Variants in TSPAN16 observed in about 807,000 individuals in gnomAD.
TSPAN16 encodes the protein tetraspanin-16.
In TSPAN16, 23 loss-of-function variants were observed where a neutral mutation model predicts 25.2. The ratio of observed to expected loss-of-function variants is 0.91; its 90% CI spans 0.66 to 1.29. The LOEUF is 1.29. Among genes scored for constraint, TSPAN16 ranks in the 50% most tolerant of loss-of-function variants. The pLI, the probability that TSPAN16 is intolerant of heterozygous loss-of-function variation, is 0.00. For synonymous variants in TSPAN16, 123 were observed against 124.4 expected (o/e 0.99, Z 0.08); for missense variants, 272 against 299.9 (o/e 0.91, Z 0.69).
chr19:11,302,658 T>C (rs1259278491), intron 4 of TSPAN16, among the ~76,000 whole-genome samples: 99 of 103,154 alleles, frequency 9.6e-4, no homozygotes, highest in East Asian at 4.6e-3. Context: ...TATATACACA[T>C]ACATATATAT....
Position 11,298,275 on chromosome 19 carries a change from C to T in TSPAN16, c.203C>T (p.Thr68Met), listed in dbSNP as rs137979204. The T allele has an allele frequency of 3.2e-4, 512 of 1,614,104 alleles. No individual in the cohort carries two copies. Among genetic ancestry groups the T allele is most frequent in the Non-Finnish European group, 4.0e-4 (475 of 1,180,020 alleles). ...GNLCLVMGCITVLLGCAGWYG... is the reference protein window; with the variant it reads ...GNLCLVMGCIMVLLGCAGWYG... ...CTGTGCCTGGTGATGGGATGCATCA[C>T]GGTACTGCTTGGCTGTGCCGGGTGG... The change falls in exon 2 of 7, where the codon ACG becomes ATG. Residue 68 changes from threonine to methionine, a missense_variant. Coordinates refer to ENST00000590327, the MANE Select transcript of TSPAN16 (RefSeq NM_001282509.2).
chr19:11,306,747 C>T lies in TSPAN16; in HGVS notation c.594C>T (p.Ile198=), dbSNP rs2080632032. 6.2e-7 allele frequency: 1 copy of T among 1,613,820 alleles called. No individual in the cohort carries two copies. Among genetic ancestry groups the T allele is most frequent in the Non-Finnish European group, 8.5e-7 (1 of 1,179,804 alleles). The stretch of plus-strand genomic sequence containing the variant: ...GACGCGATGTGTCTCCAAACGTCAT[C>T]CACCAGAAGGTAACTGGAGATTTTG... ...CDGRDVSPNV[I]HQKGCFHKLL... Residue 198 remains isoleucine, a synonymous_variant, in exon 5 of 7, where the codon ATC becomes ATT. Coordinates refer to ENST00000590327, the MANE Select transcript of TSPAN16 (RefSeq NM_001282509.2).
At chr19:11,303,618 T>G (rs1211350035) in intron 4 of TSPAN16, among the ~76,000 whole-genome samples, 1 of 146,398 alleles carries the variant, frequency 6.8e-6, no homozygotes, top group Non-Finnish European at 1.5e-5. Flanking sequence ...CAAGCGATCC[T>G]CCTAACTCAG....
At chr19:11,315,051 C>T (rs560439035) in intron 6 of TSPAN16, among the ~76,000 whole-genome samples, 3 of 151,208 alleles carry the variant, frequency 2.0e-5, no homozygotes, top group Non-Finnish European at 4.4e-5. Context: ...GCCTGACCAA[C>T]ATGGTGAAAC....
intron 6 of TSPAN16, among the ~76,000 whole-genome samples, chr19:11,315,235 CAATAATAATAATAAT>C (rs58115943): frequency 0.03 from 3,722 of 124,722 alleles, 208 homozygotes; most frequent in African/African-American, 0.11. Flanking sequence ...GACTCCTTCT[CAATAATAATAATAAT>C]AATAATAATA....
Position 11,298,213 on chromosome 19 carries a change from C to A in TSPAN16, c.141C>A (p.Leu47=). ...GAGGGGCCTCTCTGACGAATGTCCTCGGGCTGTCCTCCGCATACCTCCTTC... is the reference window on the plus strand; with the variant it reads ...GAGGGGCCTCTCTGACGAATGTCCTAGGGCTGTCCTCCGCATACCTCCTTC... ...KCGGASLTNV[L]GLSSAYLLHV... Residue 47 remains leucine, a synonymous_variant, in exon 2 of 7, where the codon CTC becomes CTA. Coordinates refer to ENST00000590327, the MANE Select transcript of TSPAN16 (RefSeq NM_001282509.2). 6.2e-7 allele frequency: 1 copy of A among 1,614,146 alleles called. No homozygotes were observed. The highest frequency in any genetic ancestry group is 1.1e-5 in the South Asian group (1 of 91,084).
At position 11,306,590 on chromosome 19, in the gene TSPAN16, TCTC is replaced by T. The variant is rs753098558; in HGVS notation, c.451-10_451-8del. On this transcript the variant is annotated splice_polypyrimidine_tract_variant and intron_variant, in intron 4 of 6. Transcript: ENST00000590327. ...TGAAAGGGACTCTCCAAGTATTTCT[TCTC>T]CTCTCTATAGCTAAAGTGCTGTGGG... is the stretch of plus-strand genomic sequence containing the variant. 39 of 1,612,626 alleles carry T rather than the reference TCTC, an allele frequency of 2.4e-5. No individual in the cohort carries two copies. The highest frequency in any genetic ancestry group is 6.7e-5 in the African/African-American group (5 of 74,898).
At chr19:11,315,235 CAAT>C (rs58115943) in intron 6 of TSPAN16, among the ~76,000 whole-genome samples, 11,215 of 124,592 alleles carry the variant, frequency 0.09, 494 homozygotes, top group Non-Finnish European at 0.1. Flanking sequence ...GACTCCTTCT[CAAT>C]AATAATAATA....
intron 4 of TSPAN16, among the ~76,000 whole-genome samples, chr19:11,306,206 C>T (rs1185964087): frequency 2.0e-5 from 3 of 151,752 alleles, no homozygotes; most frequent in Non-Finnish European, 4.4e-5. Flanking sequence ...GCTTTTTTTT[C>T]TTTTTAGAGA....
intron 6 of TSPAN16, chr19:11,322,726 T>C (rs531392073): frequency 6.6e-6 from 1 of 152,340 alleles, no homozygotes; most frequent in Admixed American, 6.5e-5. Flanking sequence ...GGCAGCTCTC[T>C]CGGCTGCTAC....
chr19:11,302,416 C>A (rs970069164), intron 4 of TSPAN16, among the ~76,000 whole-genome samples: 46 of 149,366 alleles, frequency 3.1e-4, no homozygotes, highest in Admixed American at 2.7e-3. Context: ...GTAATCCCAG[C>A]TACTCGGGAG....
chr19:11,326,550 C>T (rs544864637), intron 6 of TSPAN16, among the ~76,000 whole-genome samples: 1 of 152,208 alleles, frequency 6.6e-6, no homozygotes, highest in African/African-American at 2.4e-5. Flanking sequence ...CAGCTTCCAC[C>T]CAATTTCTGC....
At chr19:11,322,331 C>T (rs1236366859) in intron 6 of TSPAN16, 1 of 151,622 alleles carries the variant, frequency 6.6e-6, no homozygotes, top group Admixed American at 6.6e-5. Context: ...GGAGGAGTCC[C>T]CCAGTCCCCC....
At chr19:11,326,480 G>T (rs533514801) in intron 6 of TSPAN16, among the ~76,000 whole-genome samples, 1 of 152,342 alleles carries the variant, frequency 6.6e-6, no homozygotes, top group East Asian at 1.9e-4. Flanking sequence ...ATAGGTGGGA[G>T]GGTACATGAA....
chr19:11,318,528 T>C (rs913573211), downstream of TSPAN16, among the ~76,000 whole-genome samples: 8 of 152,154 alleles, frequency 5.3e-5, no homozygotes, highest in Non-Finnish European at 1.0e-4. Context: ...TAGTGGTTTT[T>C]AAGATATAGT....
intron 1 of TSPAN16, 140 bp downstream of exon 1, chr19:11,296,506 A>T: frequency 1.2e-6 from 1 of 828,218 alleles, no homozygotes; most frequent in South Asian, 1.6e-5. Flanking sequence ...TGTAGGGCAG[A>T]CGGAGGAGGA....
At chr19:11,319,631 A>C (rs550765497), downstream of TSPAN16, among the ~76,000 whole-genome samples, 42 of 151,478 alleles carry the variant, frequency 2.8e-4, 1 homozygote, top group South Asian at 6.7e-3. Flanking sequence ...CAAAACAAAA[A>C]AACAAAAAAA....
intron 5 of TSPAN16, among the ~76,000 whole-genome samples, chr19:11,308,973 T>C (rs930698295): frequency 1.3e-5 from 2 of 152,050 alleles, no homozygotes; most frequent in African/African-American, 2.4e-5. Context: ...ATTCTGGTGG[T>C]TGAGGTGGGA....
At position 11,296,217 on chromosome 19, in the gene TSPAN16, C is replaced by T; in HGVS notation, c.-81C>T. ...CAGCATTGGCGCCCCTTCCTCAGAT[C>T]CCTATCATCTTGGGAAACAGTAGCC... On this transcript the variant is annotated 5_prime_UTR_variant, in exon 1 of 7. Coordinates refer to ENST00000590327, the MANE Select transcript of TSPAN16 (RefSeq NM_001282509.2). 6.9e-7 allele frequency: 1 copy of T among 1,448,728 alleles called. No individual in the cohort carries two copies. Among genetic ancestry groups the T allele is most frequent in the Non-Finnish European group, 9.6e-7 (1 of 1,038,144 alleles). 89.7% of individuals were successfully genotyped at this position (1,448,728 alleles called of 1,614,324 possible).
Sources: gnomAD v4.1 joint callset for allele counts (sites outside exome capture counted in the v4.1 genomes callset) on GRCh38, gnomAD v4.1.1 for gene constraint, MANE v1.5 for transcripts, NCBI Gene and HGNC (gene_info 2026-07-23, HGNC 2026-07-21) for gene names.